Variants in TAF3 observed in about 807,000 individuals in gnomAD.
TAF3 encodes the protein transcription initiation factor TFIID subunit 3.
In TAF3, 7 loss-of-function variants were observed where a neutral mutation model predicts 80.6. The ratio of observed to expected loss-of-function variants is 0.09; its 90% confidence interval spans 0.05 to 0.16. The LOEUF is 0.16. Among genes scored for constraint, TAF3 ranks in the 10% least tolerant of loss-of-function variants. TAF3 has a pLI of 1.00. For missense variants in TAF3, 921 were observed against 1,140.2 expected (o/e 0.81, Z 2.77); for synonymous variants, 444 against 446.1 (o/e 1.00, Z 0.06).
intron 2 of TAF3, among the ~76,000 whole-genome samples, chr10:7,881,724 G>A (rs116394140): frequency 0.011 from 1,722 of 152,340 alleles, 34 homozygotes; most frequent in African/African-American, 0.039. Context: ...GCTGGTAGAA[G>A]TGATGTGTAG....
chr10:7,927,761 C>T (rs1188872471), intron 2 of TAF3, among the ~76,000 whole-genome samples: 2 of 151,982 alleles, frequency 1.3e-5, no homozygotes, highest in Admixed American at 6.6e-5. Flanking sequence ...AGGTACCACC[C>T]GACCAGATTT....
At chr10:8,002,696 G>A (rs553348900) in intron 4 of TAF3, among the ~76,000 whole-genome samples, 2 of 152,242 alleles carry the variant, frequency 1.3e-5, no homozygotes, top group African/African-American at 4.8e-5. Context: ...AATGTCCATA[G>A]AGTCAATTTC....
intron 2 of TAF3, among the ~76,000 whole-genome samples, chr10:7,939,194 A>G (rs1837953061): frequency 6.6e-6 from 1 of 152,202 alleles, no homozygotes; most frequent in Non-Finnish European, 1.5e-5. Context: ...TAAACTCAAC[A>G]TTTTAGTTTA....
chr10:8,012,847 G>T (rs1439550286), intron 5 of TAF3, among the ~76,000 whole-genome samples: 3 of 152,178 alleles, frequency 2.0e-5, no homozygotes, highest in Non-Finnish European at 2.9e-5. Flanking sequence ...GAAAGTCTGG[G>T]AAGAACTATC....
At chr10:7,834,859 AT>A (rs1289513018) in intron 2 of TAF3, among the ~76,000 whole-genome samples, 1 of 152,024 alleles carries the variant, frequency 6.6e-6, no homozygotes, top group Non-Finnish European at 1.5e-5. Flanking sequence ...ATTTTCTTTC[AT>A]TTTACCGTGT....
chr10:7,948,763 C>T (rs1032159422), intron 2 of TAF3, among the ~76,000 whole-genome samples: 11 of 152,232 alleles, frequency 7.2e-5, no homozygotes, highest in African/African-American at 2.7e-4. Context: ...AAATTTATCA[C>T]TGGGTACTGA....
chr10:7,862,691 G>A (rs61197796), intron 2 of TAF3, among the ~76,000 whole-genome samples: 26,788 of 152,056 alleles, frequency 0.18, 2,783 homozygotes, highest in East Asian at 0.52. Flanking sequence ...CTCCTCCCCA[G>A]GGGGATCCCC....
intron 2 of TAF3, among the ~76,000 whole-genome samples, chr10:7,858,957 C>T (rs922822440): frequency 2.6e-5 from 4 of 152,070 alleles, no homozygotes; most frequent in East Asian, 3.9e-4. Context: ...GTCATCTTGT[C>T]GAGGCCTTTC....
intron 2 of TAF3, among the ~76,000 whole-genome samples, chr10:7,936,494 G>T (rs1003770085): frequency 2.0e-5 from 3 of 150,570 alleles, no homozygotes; most frequent in African/African-American, 7.3e-5. Context: ...GACCTGAGCT[G>T]CATCTTTTTT....
chr10:7,850,120 G>T (rs1342892525), intron 2 of TAF3, among the ~76,000 whole-genome samples: 1 of 152,060 alleles, frequency 6.6e-6, no homozygotes, highest in Non-Finnish European at 1.5e-5. Flanking sequence ...TCTGGGCCAG[G>T]GTAAATTGCA....
intron 4 of TAF3, among the ~76,000 whole-genome samples, chr10:7,996,393 T>C (rs1831887765): frequency 6.6e-6 from 1 of 152,196 alleles, no homozygotes; most frequent in South Asian, 2.1e-4. Flanking sequence ...GGTGACGTGG[T>C]TATTTTCACC....
intron 2 of TAF3, among the ~76,000 whole-genome samples, chr10:7,943,637 A>G (rs1456994754): frequency 6.6e-6 from 1 of 152,230 alleles, no homozygotes; most frequent in African/African-American, 2.4e-5. Context: ...CTCAAGGCAT[A>G]CAGATGGTAG....
chr10:7,830,283 T>C (rs1381633139), intron 2 of TAF3, among the ~76,000 whole-genome samples: 1 of 151,914 alleles, frequency 6.6e-6, no homozygotes, highest in Non-Finnish European at 1.5e-5. Flanking sequence ...CTTTACCAGC[T>C]ATCTCAGAAT....
At chr10:7,879,938 A>T (rs1837344927) in intron 2 of TAF3, among the ~76,000 whole-genome samples, 2 of 152,180 alleles carry the variant, frequency 1.3e-5, no homozygotes, top group African/African-American at 4.8e-5. Flanking sequence ...GCTGGGCACG[A>T]TGGGTCACAA....
At chr10:7,866,988 G>A (rs1026943349) in intron 2 of TAF3, among the ~76,000 whole-genome samples, 15 of 152,156 alleles carry the variant, frequency 9.9e-5, no homozygotes, top group African/African-American at 3.6e-4. Context: ...GCTGGGCGTG[G>A]TGGCTCACAC....
At chr10:7,827,563 C>T (rs1289839817) in intron 2 of TAF3, among the ~76,000 whole-genome samples, 1 of 151,958 alleles carries the variant, frequency 6.6e-6, no homozygotes, top group Non-Finnish European at 1.5e-5. Context: ...GGGCGGATCA[C>T]GAGGTCAGGA....
chr10:7,932,037 G>A (rs2131198004), intron 2 of TAF3, among the ~76,000 whole-genome samples: 1 of 152,166 alleles, frequency 6.6e-6, no homozygotes, highest in East Asian at 1.9e-4. Context: ...ACCCTATATA[G>A]AGATACAGAA....
intron 2 of TAF3, among the ~76,000 whole-genome samples, chr10:7,902,717 T>C (rs931812326): frequency 6.6e-5 from 10 of 152,196 alleles, no homozygotes; most frequent in Non-Finnish European, 1.2e-4. Flanking sequence ...TGAGTGATAC[T>C]GTGAGACTTT....
chr10:7,942,811 T>G (rs1476308066), intron 2 of TAF3, among the ~76,000 whole-genome samples: 1 of 152,262 alleles, frequency 6.6e-6, no homozygotes. Context: ...AATTTTTTTT[T>G]GTCGTTTTTG....
Sources: gnomAD v4.1 joint callset for allele counts (sites outside exome capture counted in the v4.1 genomes callset) on GRCh38, gnomAD v4.1.1 for gene constraint, MANE v1.5 for transcripts, NCBI Gene and HGNC (gene_info 2026-07-23, HGNC 2026-07-21) for gene names.